The following CNTNAP2 variants were observed in gnomAD, a reference collection of about 807,000 sequenced individuals.
CNTNAP2 encodes the protein contactin associated protein 2, also known as contactin-associated protein-like 2.
A neutral mutation model predicts 155.2 loss-of-function variants in CNTNAP2; 98 were observed. The ratio of observed to expected loss-of-function variants is 0.63; its 90% CI spans 0.54 to 0.75. The LOEUF (loss-of-function observed/expected upper bound fraction) is 0.75. Among genes scored for constraint, CNTNAP2 ranks in the 30% least tolerant of loss-of-function variants. The probability of loss-of-function intolerance (pLI) is 0.00; values close to 1 mark genes in which losing one functional copy is unlikely to be tolerated. For synonymous variants in CNTNAP2, 651 were observed against 631.2 expected (o/e 1.03, Z -0.47); for missense variants, 1,727 against 1,688.1 (o/e 1.02, Z -0.40).
At chr7:147,378,174 A>T (rs1475461312) in intron 9 of CNTNAP2, 17 of 301,774 alleles carry the variant, frequency 5.6e-5, no homozygotes, top group Non-Finnish European at 3.3e-5. Flanking sequence ...AAGTTTTTTT[A>T]AATTTCTGAA....
chr7:147,473,485 G>A (rs542232953), intron 10 of CNTNAP2, among the ~76,000 whole-genome samples: 6 of 151,970 alleles, frequency 3.9e-5, no homozygotes, highest in East Asian at 1.9e-4. Flanking sequence ...TAATTGTGTC[G>A]AGGGTCCAAT....
At chr7:147,198,955 C>CATTTTT (rs747825079) in intron 8 of CNTNAP2, among the ~76,000 whole-genome samples, 1 of 99,312 alleles carries the variant, frequency 1.0e-5, no homozygotes, top group Non-Finnish European at 2.0e-5. Flanking sequence ...AATCAAAGGA[C>CATTTTT]TTTTTTTTTT....
At position 148,237,831 on chromosome 7, in the gene CNTNAP2, A is replaced by G. The variant is rs547557624; in HGVS notation, c.3381+8052A>G. ...GTGGCCGGGGGAGCCCTAGTTCACC[A>G]CTTTCTATATGTGGAAAAGTGTACA... is the stretch of plus-strand genomic sequence containing the variant. On this transcript the variant is annotated intron_variant, in intron 20 of 23. Transcript: ENST00000361727. Among the ~76,000 whole-genome samples the G allele has an allele frequency of 8.5e-5, 13 of 152,304 alleles. No homozygotes were observed. In the South Asian group the frequency reaches 1.0e-3, roughly 12 times the overall value.
chr7:146,623,944 C>T (rs946549161), intron 1 of CNTNAP2, among the ~76,000 whole-genome samples: 9 of 152,004 alleles, frequency 5.9e-5, no homozygotes, highest in Admixed American at 1.3e-4. Flanking sequence ...TGTGGATGTT[C>T]GCCATTCTAG....
intron 15 of CNTNAP2, among the ~76,000 whole-genome samples, chr7:148,028,457 C>T (rs542838475): frequency 7.9e-5 from 12 of 152,226 alleles, no homozygotes; most frequent in African/African-American, 2.6e-4. Flanking sequence ...TGATGACCCC[C>T]GGACAGCAAA....
chr7:147,477,826 T>C (rs1798348847), intron 10 of CNTNAP2, among the ~76,000 whole-genome samples: 1 of 152,162 alleles, frequency 6.6e-6, no homozygotes, highest in African/African-American at 2.4e-5. Flanking sequence ...GAAACCATAA[T>C]CAAATGGCAG....
intron 3 of CNTNAP2, among the ~76,000 whole-genome samples, chr7:146,951,169 A>G (rs1224413633): frequency 2.0e-5 from 3 of 152,078 alleles, no homozygotes; most frequent in Non-Finnish European, 4.4e-5. Context: ...AATTTGCTTA[A>G]GTTCCTTGTA....
At chr7:146,562,682 G>A (rs1478093543) in intron 1 of CNTNAP2, among the ~76,000 whole-genome samples, 1 of 151,882 alleles carries the variant, frequency 6.6e-6, no homozygotes, top group African/African-American at 2.4e-5. Context: ...CAAATTATAT[G>A]GTCATTAGCT....
At chr7:147,909,526 T>C (rs978121465) in intron 14 of CNTNAP2, among the ~76,000 whole-genome samples, 2 of 152,162 alleles carry the variant, frequency 1.3e-5, no homozygotes, top group Non-Finnish European at 2.9e-5. Context: ...TGCCTGATTA[T>C]CTATGCTGGG....
chr7:147,049,575 C>T (rs1799434032), intron 4 of CNTNAP2, among the ~76,000 whole-genome samples: 1 of 152,100 alleles, frequency 6.6e-6, no homozygotes, highest in African/African-American at 2.4e-5. Context: ...CCCATTTTGG[C>T]TTCCTAGAGA....
chr7:146,424,295 C>T (rs376532950), intron 1 of CNTNAP2, among the ~76,000 whole-genome samples: 28 of 152,256 alleles, frequency 1.8e-4, no homozygotes, highest in African/African-American at 4.8e-4. Context: ...GCCAAACTAA[C>T]GGCTATGATT....
rs150918383 is a variant in CNTNAP2 at position 147,121,078 on chromosome 7, G to C, written c.854G>C (p.Gly285Ala). 5.0e-3 allele frequency: 8,110 copies of C among 1,614,092 alleles called. 26 individuals are homozygous for C. The highest frequency in any genetic ancestry group is 5.7e-3 in the Non-Finnish European group (6,764 of 1,180,020). The change falls in exon 6 of 24, where the codon GGG becomes GCG. Residue 285 changes from glycine to alanine, a missense_variant. Gly to Ala is a moderately conservative substitution (Grantham distance 60). Coordinates refer to ENST00000361727, the MANE Select transcript of CNTNAP2 (RefSeq NM_014141.6). ...CACTCTGTGGTCATTGAGCGCCAGG[G>C]GCGGAGCATTAACCTCACTCTGGAC... ...HWHSVVIERQ[G>A]RSINLTLDRS...
At chr7:146,387,742 TGG>T (rs1795480988) in intron 1 of CNTNAP2, among the ~76,000 whole-genome samples, 1 of 152,076 alleles carries the variant, frequency 6.6e-6, no homozygotes, top group Non-Finnish European at 1.5e-5. Context: ...CTCATTTTGG[TGG>T]AGAAATGAGG....
At chr7:146,533,595 G>T (rs1584967822) in intron 1 of CNTNAP2, among the ~76,000 whole-genome samples, 1 of 152,112 alleles carries the variant, frequency 6.6e-6, no homozygotes, top group Admixed American at 6.6e-5. Context: ...AACATGATAA[G>T]ATTTGTGTTC....
chr7:147,559,046 T>A (rs146204397), intron 11 of CNTNAP2, among the ~76,000 whole-genome samples: 1,600 of 152,104 alleles, frequency 0.011, 34 homozygotes, highest in African/African-American at 0.035. Flanking sequence ...TAATATTTTT[T>A]AAAAATGTCT....
rs577875747 is a variant in CNTNAP2, at chr7:146,775,643, A to G, written c.208+1262A>G. Among the ~76,000 whole-genome samples, 3 of 151,970 alleles carry G rather than the reference A, an allele frequency of 2.0e-5. No individual in the cohort carries two copies. The South Asian group carries it at 6.2e-4, about 32-fold the overall frequency. ...GGAAGGAAACAAAGATGAAAAAAGA[A>G]AGCAGGAGGAAACCCAAAAGAAGAA... On this transcript the variant is annotated intron_variant, in intron 2 of 23. Transcript: ENST00000361727.
chr7:146,644,871 G>T (rs1352466308), intron 1 of CNTNAP2, among the ~76,000 whole-genome samples: 2 of 152,078 alleles, frequency 1.3e-5, no homozygotes, highest in African/African-American at 2.4e-5. Context: ...TCCAGGACCA[G>T]ATGGATTCAC....
At chr7:146,619,866 T>G (rs1261990267) in intron 1 of CNTNAP2, among the ~76,000 whole-genome samples, 3 of 152,200 alleles carry the variant, frequency 2.0e-5, no homozygotes, top group Non-Finnish European at 4.4e-5. Context: ...ACTATGTAGA[T>G]GTATTTTTAG....
At chr7:146,780,713 T>A (rs1802470937) in intron 2 of CNTNAP2, among the ~76,000 whole-genome samples, 1 of 152,070 alleles carries the variant, frequency 6.6e-6, no homozygotes, top group Non-Finnish European at 1.5e-5. Context: ...TAAGTTCATG[T>A]CCTTTGCAGG....
Sources: allele counts gnomAD v4.1 joint callset (sites outside exome capture counted in the v4.1 genomes callset), GRCh38; gene constraint gnomAD v4.1.1; transcripts MANE v1.5; gene names NCBI Gene and HGNC (gene_info 2026-07-23, HGNC 2026-07-21).